Variants in SMIM8 observed in about 807,000 individuals in gnomAD.
SMIM8 encodes the protein UPF0708 protein C6orf162.
In SMIM8, 8 loss-of-function variants were observed where a neutral mutation model predicts 8.1. The observed-to-expected ratio is 0.99, with a 90% CI of 0.58 to 1.78. SMIM8 has a LOEUF of 1.78. Ranked by LOEUF, SMIM8 falls within the 40% of genes most tolerant of loss-of-function variation. The pLI, the probability that SMIM8 is intolerant of heterozygous loss-of-function variation, is 0.00. For missense variants in SMIM8, 126 were observed against 119.8 expected, an observed-to-expected ratio of 1.05 and a Z score of -0.24; for synonymous variants, 45 against 39.7, an observed-to-expected ratio of 1.13 and a Z score of -0.50.
chr6:87,336,161 A>G (rs1777110407), intron 2 of SMIM8, among the ~76,000 whole-genome samples: 1 of 152,126 alleles, frequency 6.6e-6, no homozygotes, highest in Non-Finnish European at 1.5e-5. Flanking sequence ...CTATATTGTC[A>G]TTTATGTCCA....
intron 2 of SMIM8, among the ~76,000 whole-genome samples, chr6:87,331,217 G>C (rs1364368021): frequency 6.6e-6 from 1 of 152,188 alleles, no homozygotes; most frequent in African/African-American, 2.4e-5. Flanking sequence ...AAACTAGTGG[G>C]AAGACTAAGA....
chr6:87,333,919 C>T (rs533513407), intron 2 of SMIM8, among the ~76,000 whole-genome samples: 44 of 152,274 alleles, frequency 2.9e-4, no homozygotes, highest in African/African-American at 1.1e-3. Context: ...TTAATTGGCT[C>T]ACGGTTCAGC....
chr6:87,340,084 C>G, intron 3 of SMIM8, 32 bp from the exon 4 acceptor site: 1 of 1,501,644 alleles, frequency 6.7e-7, no homozygotes, highest in Non-Finnish European at 8.8e-7. Context: ...GTTAGTCTTA[C>G]TAAAGCTTTA....
intron 1 of SMIM8, chr6:87,322,897 C>T (rs954938609): frequency 6.6e-6 from 1 of 152,418 alleles, no homozygotes; most frequent in Non-Finnish European, 1.5e-5. Flanking sequence ...GGTGCTTCAT[C>T]CATGGACACC....
At chr6:87,336,861 C>T (rs1296757300) in intron 2 of SMIM8, 148 bp from the exon 3 acceptor site, 2 of 515,362 alleles carry the variant, frequency 3.9e-6, no homozygotes, top group African/African-American at 3.9e-5. Flanking sequence ...TTACAAAGTA[C>T]ATTATACAAA....
At chr6:87,326,201 T>A (rs1164044706) in intron 1 of SMIM8, among the ~76,000 whole-genome samples, 1 of 152,208 alleles carries the variant, frequency 6.6e-6, no homozygotes, top group Non-Finnish European at 1.5e-5. Flanking sequence ...ATTTTGTTGA[T>A]CCGTTCAAAA....
At chr6:87,338,910 T>A (rs1223913513) in intron 3 of SMIM8, among the ~76,000 whole-genome samples, 2 of 148,074 alleles carry the variant, frequency 1.4e-5, no homozygotes, top group Admixed American at 6.7e-5. Flanking sequence ...TAAAAGCTTT[T>A]TTTTTTTTTT....
intron 1 of SMIM8, among the ~76,000 whole-genome samples, chr6:87,325,386 T>A (rs1365871007): frequency 1.4e-5 from 2 of 145,740 alleles, no homozygotes; most frequent in Admixed American, 6.8e-5. Context: ...CCATTCAGTA[T>A]GATATTGGCT....
At position 87,341,113 on chromosome 6, in the gene SMIM8, T is replaced by C. The variant is rs557705695; in HGVS notation, c.*839T>C. On this transcript the variant is annotated 3_prime_UTR_variant, in exon 4 of 4. Coordinates refer to ENST00000392863, the MANE Select transcript of SMIM8 (RefSeq NM_001042493.3). The stretch of plus-strand genomic sequence containing the variant: ...TAAGACCAAGTGTTCTTATAGTTAT[T>C]TAAAAACTACAACTACTCAATGGAT... 5.1e-6 allele frequency: 2 copies of C among 393,742 alleles called. No individual in the cohort carries two copies. The highest frequency in any genetic ancestry group is 8.9e-6 in the Non-Finnish European group (2 of 223,560). 24.4% of individuals were successfully genotyped at this position (393,742 alleles called of 1,614,324 possible). A position where few individuals can be genotyped will look rare whatever the true frequency, so the allele number is the denominator to read the frequency against.
chr6:87,333,258 T>C (rs1306003934), intron 2 of SMIM8, among the ~76,000 whole-genome samples: 1 of 152,072 alleles, frequency 6.6e-6, no homozygotes, highest in Non-Finnish European at 1.5e-5. Context: ...GAGAACTCAC[T>C]TGCTCCCCAC....
intron 3 of SMIM8, among the ~76,000 whole-genome samples, chr6:87,339,434 GTT>G (rs60709412): frequency 0.07 from 6,533 of 93,072 alleles, 297 homozygotes; most frequent in African/African-American, 0.18. Context: ...GTGTGTGTGT[GTT>G]TGTGTGTGTG....
At chr6:87,326,566 G>T (rs974134445) in intron 1 of SMIM8, among the ~76,000 whole-genome samples, 2 of 150,426 alleles carry the variant, frequency 1.3e-5, no homozygotes, top group African/African-American at 2.5e-5. Flanking sequence ...TTTCCATGTA[G>T]TTGAGTGGTT....
At chr6:87,329,933 A>T (rs1201954397) in intron 1 of SMIM8, among the ~76,000 whole-genome samples, 1 of 152,208 alleles carries the variant, frequency 6.6e-6, no homozygotes, top group Non-Finnish European at 1.5e-5. Context: ...TAATTAATGC[A>T]CACATTTAGT....
At chr6:87,333,747 T>G (rs973570746) in intron 2 of SMIM8, among the ~76,000 whole-genome samples, 15 of 152,208 alleles carry the variant, frequency 9.9e-5, no homozygotes, top group African/African-American at 3.1e-4. Flanking sequence ...GAGGTCCCTT[T>G]TATCACTGTT....
chr6:87,332,218 T>A (rs1777009428), intron 2 of SMIM8, among the ~76,000 whole-genome samples: 1 of 151,720 alleles, frequency 6.6e-6, no homozygotes, highest in African/African-American at 2.4e-5. Context: ...TTGAATTTCA[T>A]AACACTCAGC....
At chr6:87,323,219 T>C (rs1776714944) in intron 1 of SMIM8, among the ~76,000 whole-genome samples, 1 of 152,238 alleles carries the variant, frequency 6.6e-6, no homozygotes, top group Admixed American at 6.5e-5. Flanking sequence ...TCCCCTTTTT[T>C]CAGAGACAGT....
intron 2 of SMIM8, among the ~76,000 whole-genome samples, chr6:87,334,453 GTT>G (rs879885495): frequency 1.3e-5 from 2 of 152,020 alleles, no homozygotes; most frequent in Non-Finnish European, 2.9e-5. Context: ...TTGTTTGTTT[GTT>G]TGTTTGTTTT....
At chr6:87,324,585 T>C (rs936402144) in intron 1 of SMIM8, among the ~76,000 whole-genome samples, 4 of 151,262 alleles carry the variant, frequency 2.6e-5, no homozygotes, top group Admixed American at 1.3e-4. Flanking sequence ...GTTGTAGATA[T>C]GTGGCGTTAT....
intron 1 of SMIM8, among the ~76,000 whole-genome samples, chr6:87,324,019 G>T (rs1376284086): frequency 6.0e-5 from 9 of 149,982 alleles, no homozygotes; most frequent in Non-Finnish European, 5.9e-5. Context: ...TTTCTCTGAT[G>T]GCCAGTGATG....
Sources: gnomAD v4.1 joint callset for allele counts (sites outside exome capture counted in the v4.1 genomes callset) on GRCh38, gnomAD v4.1.1 for gene constraint, MANE v1.5 for transcripts, NCBI Gene and HGNC (gene_info 2026-07-23, HGNC 2026-07-21) for gene names.